Variants in LAMA2 observed in about 807,000 individuals in gnomAD.
The protein encoded by LAMA2 is laminin subunit alpha-2.
A neutral mutation model predicts 364.8 loss-of-function variants in LAMA2; 269 were observed. The observed-to-expected ratio is 0.74, with a 90% confidence interval of 0.67 to 0.82. The LOEUF is 0.82. Among genes scored for constraint, LAMA2 ranks in the 40% least tolerant of loss-of-function variants. The probability of loss-of-function intolerance (pLI) is 0.00; values close to 1 mark genes in which losing one functional copy is unlikely to be tolerated. For missense variants in LAMA2, 3,807 were observed against 3,873.2 expected (o/e 0.98, Z 0.45); for synonymous variants, 1,379 against 1,370.6 (o/e 1.01, Z -0.14).
chr6:129,276,608 T>C (rs1788344371), intron 17 of LAMA2, among the ~76,000 whole-genome samples: 1 of 152,136 alleles, frequency 6.6e-6, no homozygotes, highest in African/African-American at 2.4e-5. Flanking sequence ...TGAGCTTCTA[T>C]TGAGCAATTG....
rs935324787 is a variant in LAMA2 at position 129,094,775 on chromosome 6, G to A, written c.397-3398G>A. On this transcript the variant is annotated intron_variant, in intron 3 of 64. Coordinates refer to ENST00000421865, the MANE Select transcript of LAMA2 (RefSeq NM_000426.4). Reference sequence around the variant, plus strand: ...TAGATTCTCTCTTTCACAAGAACACGCAGTATTTTGTATTCATTATCTCAT... The same window carrying A: ...TAGATTCTCTCTTTCACAAGAACACACAGTATTTTGTATTCATTATCTCAT... 2.6e-5 allele frequency among the ~76,000 whole-genome samples: 4 copies of A among 152,154 alleles called. No individual in the cohort carries two copies. The East Asian group carries it at 5.8e-4, about 22-fold the overall frequency.
Position 129,196,485 on chromosome 6 carries a change from G to A in LAMA2, c.1782+3632G>A, listed in dbSNP as rs1402400042. Among the ~76,000 whole-genome samples the A allele has an allele frequency of 3.9e-5, 6 of 152,262 alleles. No homozygotes were observed. In the East Asian group the frequency reaches 1.2e-3, roughly 29 times the overall value. The stretch of plus-strand genomic sequence containing the variant: ...TAGGTTGCTCAGAAATGCCCATTGA[G>A]TTGGATTTGTGGGAGTTGAAAGATG... On this transcript the variant is annotated intron_variant, in intron 12 of 64. Transcript: ENST00000421865.
At chr6:129,314,409 A>AAAAG (rs1774437964) in intron 23 of LAMA2, among the ~76,000 whole-genome samples, 2 of 151,458 alleles carry the variant, frequency 1.3e-5, no homozygotes, top group Non-Finnish European at 2.9e-5. Context: ...AAAAAAAAAA[A>AAAAG]AAAAAAAAAA....
At chr6:128,918,084 C>T (rs868302470) in intron 1 of LAMA2, among the ~76,000 whole-genome samples, 4 of 151,880 alleles carry the variant, frequency 2.6e-5, no homozygotes, top group Admixed American at 1.3e-4. Flanking sequence ...ACTTTAAACT[C>T]GTTGTTATAA....
rs1399663143 is a variant in LAMA2 at position 129,168,867 on chromosome 6, A to C, written c.1306+3192A>C. Among the ~76,000 whole-genome samples, 3 of 145,616 alleles carry C rather than the reference A, an allele frequency of 2.1e-5. No homozygotes were observed. The East Asian group carries it at 6.0e-4, about 29-fold the overall frequency. On this transcript the variant is annotated intron_variant, in intron 9 of 64. Transcript: ENST00000421865. ...GAGCAGTGGTTTGTAGTTCTCCTTG[A>C]AGAGGTCCTTCACATCCCTTGTAAG...
intron 18 of LAMA2, among the ~76,000 whole-genome samples, chr6:129,286,068 C>T (rs754176458): frequency 1.3e-5 from 2 of 152,052 alleles, no homozygotes; most frequent in Non-Finnish European, 2.9e-5. Context: ...TTAAAGTACT[C>T]TCAATATAAT....
At chr6:128,886,797 C>T (rs1196191792) in intron 1 of LAMA2, among the ~76,000 whole-genome samples, 1 of 152,092 alleles carries the variant, frequency 6.6e-6, no homozygotes, top group Non-Finnish European at 1.5e-5. Context: ...CTCCCCATGC[C>T]ATTTTGAGTT....
intron 37 of LAMA2, among the ~76,000 whole-genome samples, chr6:129,400,192 G>A (rs950763290): frequency 1.3e-5 from 2 of 152,072 alleles, no homozygotes; most frequent in Non-Finnish European, 2.9e-5. Context: ...TTTTATAAGG[G>A]CAGTAATCCC....
At chr6:129,342,800 C>A (rs1346258353) in intron 30 of LAMA2, among the ~76,000 whole-genome samples, 1 of 151,942 alleles carries the variant, frequency 6.6e-6, no homozygotes, top group Non-Finnish European at 1.5e-5. Flanking sequence ...TATAGCTCTG[C>A]CCATAATATC....
chr6:128,889,484 T>G (rs1389922837), intron 1 of LAMA2, among the ~76,000 whole-genome samples: 1 of 152,156 alleles, frequency 6.6e-6, no homozygotes, highest in Non-Finnish European at 1.5e-5. Flanking sequence ...TTGGCCTAAT[T>G]TAATTCTGTC....
At chr6:129,443,170 A>G in intron 44 of LAMA2, 102 bp downstream of exon 44, 1 of 777,826 alleles carries the variant, frequency 1.3e-6, no homozygotes, top group South Asian at 1.7e-5. Flanking sequence ...GTTTTGCTTT[A>G]AACATTGCGT....
chr6:128,921,712 T>C (rs1034082762), intron 1 of LAMA2, among the ~76,000 whole-genome samples: 3 of 151,014 alleles, frequency 2.0e-5, no homozygotes, highest in African/African-American at 7.3e-5. Context: ...TTTTTTTTTT[T>C]TATTATTATT....
intron 29 of LAMA2, among the ~76,000 whole-genome samples, chr6:129,337,635 T>G (rs1335745163): frequency 6.6e-6 from 1 of 152,130 alleles, no homozygotes; most frequent in Non-Finnish European, 1.5e-5. Flanking sequence ...GAAGGTTAGA[T>G]TAAGTAATTT....
At chr6:129,165,503 A>G (rs1478623973) in intron 8 of LAMA2, 73 bp from the exon 9 acceptor site, 1 of 935,394 alleles carries the variant, frequency 1.1e-6, no homozygotes, top group African/African-American at 1.6e-5. Context: ...CTTTGTCTAT[A>G]AAAGTTTGCT....
chr6:129,277,440 A>C (rs996533850), intron 17 of LAMA2, among the ~76,000 whole-genome samples: 3 of 152,178 alleles, frequency 2.0e-5, no homozygotes, highest in Non-Finnish European at 4.4e-5. Context: ...AAGAGAGTGA[A>C]TCTTCAGTTT....
intron 8 of LAMA2, among the ~76,000 whole-genome samples, chr6:129,162,376 A>C (rs1022401167): frequency 1.1e-4 from 16 of 152,168 alleles, no homozygotes; most frequent in Non-Finnish European, 2.9e-5. Flanking sequence ...AAAAATTTAC[A>C]TTAACCATAC....
At chr6:129,233,293 T>C (rs1301828952) in intron 12 of LAMA2, among the ~76,000 whole-genome samples, 1 of 152,158 alleles carries the variant, frequency 6.6e-6, no homozygotes, top group Admixed American at 6.6e-5. Context: ...AATGTACAGT[T>C]GACCCTTGCA....
At chr6:128,901,153 T>A (rs987012717) in intron 1 of LAMA2, among the ~76,000 whole-genome samples, 3 of 152,118 alleles carry the variant, frequency 2.0e-5, no homozygotes, top group Non-Finnish European at 4.4e-5. Flanking sequence ...CAAGACCTTA[T>A]CTAGGAACAA....
chr6:128,915,209 C>T (rs916911310), intron 1 of LAMA2, among the ~76,000 whole-genome samples: 10 of 152,070 alleles, frequency 6.6e-5, no homozygotes, highest in Admixed American at 3.9e-4. Context: ...TATTTGCCTC[C>T]GTCAAAATGT....
Sources: gnomAD v4.1 joint callset for allele counts (sites outside exome capture counted in the v4.1 genomes callset) on GRCh38, gnomAD v4.1.1 for gene constraint, MANE v1.5 for transcripts, NCBI Gene and HGNC (gene_info 2026-07-23, HGNC 2026-07-21) for gene names.